STXBP5L: variants seen among roughly 807,000 people sequenced by gnomAD.
STXBP5L encodes syntaxin binding protein 5L, also known as syntaxin-binding protein 5-like.
In STXBP5L, 65 loss-of-function variants were observed where a neutral mutation model predicts 144.5. That is an observed-to-expected ratio of 0.45 (90% CI 0.37 to 0.55). STXBP5L has a LOEUF of 0.55. STXBP5L is among the 20% of genes least tolerant of loss of function. STXBP5L has a pLI of 0.00. For synonymous variants in STXBP5L, 505 were observed against 469.6 expected, an observed-to-expected ratio of 1.08 and a Z score of -0.97; for missense variants, 1,298 against 1,405.5, an observed-to-expected ratio of 0.92 and a Z score of 1.22.
At chr3:121,227,911 C>A (rs2049172338) in intron 11 of STXBP5L, among the ~76,000 whole-genome samples, 1 of 152,076 alleles carries the variant, frequency 6.6e-6, no homozygotes, top group Non-Finnish European at 1.5e-5. Flanking sequence ...ACCAAATAAA[C>A]CTAATCATTT....
At chr3:121,113,406 A>G (rs2107821702) in intron 5 of STXBP5L, among the ~76,000 whole-genome samples, 2 of 152,246 alleles carry the variant, frequency 1.3e-5, no homozygotes, top group African/African-American at 4.8e-5. Flanking sequence ...GTGCAACATT[A>G]TTAAATATCT....
chr3:121,208,675 T>C (rs182105968), intron 10 of STXBP5L, among the ~76,000 whole-genome samples: 1 of 152,290 alleles, frequency 6.6e-6, no homozygotes, highest in East Asian at 1.9e-4. Context: ...ATATTTCTTA[T>C]GTGGTATTGC....
rs544311728 is a variant in STXBP5L, at chr3:121,019,109, C to T, written c.288-22591C>T. On this transcript the variant is annotated intron_variant, in intron 3 of 26. Coordinates refer to ENST00000471454, the MANE Select transcript of STXBP5L (RefSeq NM_001308330.2). ...CAGGCCTGTGGCTGCAGGCTTTTCC[C>T]CACTTCCCGGGTGACCTGTGGGATG... 3.9e-5 allele frequency among the ~76,000 whole-genome samples: 6 copies of T among 152,276 alleles called. No individual in the cohort carries two copies. The East Asian group carries it at 9.7e-4, about 25-fold the overall frequency.
intron 3 of STXBP5L, among the ~76,000 whole-genome samples, chr3:120,973,528 T>G (rs1940529887): frequency 1.3e-5 from 2 of 152,048 alleles, no homozygotes; most frequent in African/African-American, 4.8e-5. Context: ...ATACTAACTT[T>G]TCATTTCTTT....
At chr3:121,159,737 C>G (rs2046249017) in intron 9 of STXBP5L, among the ~76,000 whole-genome samples, 1 of 149,600 alleles carries the variant, frequency 6.7e-6, no homozygotes, top group Non-Finnish European at 1.5e-5. Flanking sequence ...TCACGCCATT[C>G]TCCTGCCTCA....
chr3:120,985,327 G>A (rs1942190419), intron 3 of STXBP5L, among the ~76,000 whole-genome samples: 1 of 151,898 alleles, frequency 6.6e-6, no homozygotes, highest in Non-Finnish European at 1.5e-5. Context: ...TATAGTTATG[G>A]GTTACAATAT....
intron 5 of STXBP5L, among the ~76,000 whole-genome samples, chr3:121,065,346 T>G (rs1461614622): frequency 6.6e-6 from 1 of 152,126 alleles, no homozygotes; most frequent in Non-Finnish European, 1.5e-5. Context: ...AAATGGTAGT[T>G]GTATATACAT....
chr3:121,349,875 T>A (rs1328339482), intron 20 of STXBP5L, among the ~76,000 whole-genome samples: 6 of 152,142 alleles, frequency 3.9e-5, no homozygotes, highest in Non-Finnish European at 8.8e-5. Flanking sequence ...ATGGGTTTCC[T>A]GAATACAGCA....
In STXBP5L at chr3:121,163,406, A is replaced by G. The variant is rs577318087; in HGVS notation, c.877+5779A>G. 2.6e-5 allele frequency among the ~76,000 whole-genome samples: 4 copies of G among 152,002 alleles called. No homozygotes were observed. In the South Asian group the frequency reaches 8.3e-4, roughly 32 times the overall value. On this transcript the variant is annotated intron_variant, in intron 9 of 26. Transcript: ENST00000471454. ...ATGGACACAGGGAAGGGAACATCACATAGTAGGGTCTCTCGGTGGATGGGG... is the reference window on the plus strand; with the variant it reads ...ATGGACACAGGGAAGGGAACATCACGTAGTAGGGTCTCTCGGTGGATGGGG...
intron 3 of STXBP5L, among the ~76,000 whole-genome samples, chr3:120,986,860 A>C (rs535922389): frequency 2.2e-4 from 33 of 152,126 alleles, no homozygotes; most frequent in African/African-American, 7.9e-4. Context: ...AGAATCAGCA[A>C]ACTTGAAGAT....
chr3:121,091,760 G>A (rs2042811033), intron 5 of STXBP5L, among the ~76,000 whole-genome samples: 1 of 152,106 alleles, frequency 6.6e-6, no homozygotes, highest in Admixed American at 6.5e-5. Context: ...CCTTTGCTGT[G>A]CAGAAGCTCT....
chr3:121,017,259 C>G (rs1270124538), intron 3 of STXBP5L, among the ~76,000 whole-genome samples: 1 of 152,066 alleles, frequency 6.6e-6, no homozygotes. Flanking sequence ...GATAAAAACC[C>G]TCAACAAACT....
At position 120,967,793 on chromosome 3, in the gene STXBP5L, T is replaced by G. The variant is rs555510674; in HGVS notation, c.287+12756T>G. Among the ~76,000 whole-genome samples the G allele has an allele frequency of 5.3e-5, 8 of 152,294 alleles. No individual in the cohort carries two copies. In the South Asian group the frequency reaches 1.7e-3, roughly 32 times the overall value. On this transcript the variant is annotated intron_variant, in intron 3 of 26. Transcript: ENST00000471454. ...TTGCTGTATTTCATAGGTTTTAGTA[T>G]GTTGTGTTTCCATTTTAATTTGTCT... is the stretch of plus-strand genomic sequence containing the variant.
intron 2 of STXBP5L, among the ~76,000 whole-genome samples, chr3:120,925,395 C>A (rs1709569202): frequency 6.6e-6 from 1 of 152,078 alleles, no homozygotes; most frequent in African/African-American, 2.4e-5. Context: ...GAATTGACTC[C>A]TTTATTATTA....
In STXBP5L at chr3:121,367,788, TC is replaced by T. The variant is rs1338003822; in HGVS notation, c.2177-10926del. ...CACACTTGGCTAATTTTTTTGCTTT[TC>T]CTTTTTTTTTTTTTTTGTAGAGACC... On this transcript the variant is annotated intron_variant, in intron 20 of 26. Transcript: ENST00000471454. Among the ~76,000 whole-genome samples the T allele has an allele frequency of 9.0e-3, 481 of 53,298 alleles. 6 individuals are homozygous for T. The highest frequency in any genetic ancestry group is 0.031 in the African/African-American group (451 of 14,570). The allele number at this position is 53,298 out of a possible 152,430, so 35.0% of individuals were successfully genotyped here.
At chr3:121,386,727 C>T (rs1576333428) in intron 22 of STXBP5L, among the ~76,000 whole-genome samples, 1 of 152,270 alleles carries the variant, frequency 6.6e-6, no homozygotes, top group East Asian at 1.9e-4. Flanking sequence ...CTGCAAAGGA[C>T]ATGAACTCAT....
intron 20 of STXBP5L, among the ~76,000 whole-genome samples, chr3:121,353,685 A>C (rs2045392632): frequency 6.6e-6 from 1 of 152,076 alleles, no homozygotes; most frequent in Non-Finnish European, 1.5e-5. Flanking sequence ...TATCTCTTTC[A>C]GATCTGCTCT....
intron 22 of STXBP5L, among the ~76,000 whole-genome samples, chr3:121,384,781 T>C (rs2046391011): frequency 6.6e-6 from 1 of 151,882 alleles, no homozygotes; most frequent in East Asian, 1.9e-4. Context: ...AATCAAAATA[T>C]AAAGGAAAAA....
intron 20 of STXBP5L, among the ~76,000 whole-genome samples, chr3:121,363,754 T>A (rs2045784925): frequency 6.6e-6 from 1 of 152,052 alleles, no homozygotes; most frequent in Non-Finnish European, 1.5e-5. Context: ...GAAGGTGGGT[T>A]TTTTTTTCTG....
Sources: gnomAD v4.1 joint callset for allele counts (sites outside exome capture counted in the v4.1 genomes callset) on GRCh38, gnomAD v4.1.1 for gene constraint, MANE v1.5 for transcripts, NCBI Gene and HGNC (gene_info 2026-07-23, HGNC 2026-07-21) for gene names.